SGCZ: variants seen among roughly 807,000 people sequenced by gnomAD.
The protein encoded by SGCZ is zeta-sarcoglycan.
Under a neutral mutation model 41.3 loss-of-function variants are expected in SGCZ, and 40 were observed. The observed-to-expected ratio is 0.97, with a 90% CI of 0.75 to 1.26. The LOEUF is 1.26. SGCZ is among the 50% of genes most tolerant of loss of function. The pLI is 0.00. For missense variants in SGCZ, 552 were observed against 369.8 expected, an observed-to-expected ratio of 1.49 and a Z score of -4.04; for synonymous variants, 206 against 137.5, an observed-to-expected ratio of 1.50 and a Z score of -3.49.
chr8:14,822,768 C>A (rs1183080585), intron 1 of SGCZ, among the ~76,000 whole-genome samples: 1 of 151,924 alleles, frequency 6.6e-6, no homozygotes, highest in Non-Finnish European at 1.5e-5. Flanking sequence ...AAAAAGATAT[C>A]CACATTAAGA....
At chr8:14,647,733 G>A (rs1807269601) in intron 1 of SGCZ, among the ~76,000 whole-genome samples, 1 of 151,974 alleles carries the variant, frequency 6.6e-6, no homozygotes, top group Non-Finnish European at 1.5e-5. Flanking sequence ...AAATATGTAT[G>A]TTAATATGTT....
chr8:14,264,770 G>A (rs1799815761), intron 3 of SGCZ, among the ~76,000 whole-genome samples: 1 of 152,122 alleles, frequency 6.6e-6, no homozygotes, highest in African/African-American at 2.4e-5. Context: ...GACCATCCTG[G>A]CTAACACGGT....
chr8:14,677,721 A>G (rs1312497898), intron 1 of SGCZ, among the ~76,000 whole-genome samples: 1 of 152,182 alleles, frequency 6.6e-6, no homozygotes, highest in Non-Finnish European at 1.5e-5. Flanking sequence ...CAGTGAGCCA[A>G]GATCGCACAA....
chr8:14,247,222 T>A (rs1318913744), intron 3 of SGCZ, among the ~76,000 whole-genome samples: 1 of 152,204 alleles, frequency 6.6e-6, no homozygotes, highest in Non-Finnish European at 1.5e-5. Context: ...TGGAGGCCAC[T>A]GCTAGGAATC....
chr8:14,911,301 C>T (rs916672950), intron 1 of SGCZ, among the ~76,000 whole-genome samples: 10 of 152,004 alleles, frequency 6.6e-5, no homozygotes, highest in Admixed American at 3.3e-4. Flanking sequence ...ACAAAATCAG[C>T]GGATTCTGAC....
intron 1 of SGCZ, among the ~76,000 whole-genome samples, chr8:14,983,134 C>A (rs980746820): frequency 6.6e-6 from 1 of 152,060 alleles, no homozygotes; most frequent in South Asian, 2.1e-4. Context: ...GTATTATGTA[C>A]CTGCTGGTGC....
chr8:14,715,126 G>A lies in SGCZ; in HGVS notation c.40-160200C>T, dbSNP rs576518604. ...ACACTTGTCTACGATGCATATTCAT[G>A]GAAATCTGGAAAATAAGTAGTTTGA... On this transcript the variant is annotated intron_variant, in intron 1 of 7. Transcript: ENST00000382080. 2.6e-5 allele frequency among the ~76,000 whole-genome samples: 4 copies of A among 152,186 alleles called. No homozygotes were observed. In the South Asian group the frequency reaches 8.3e-4, roughly 32 times the overall value.
At chr8:14,202,413 A>G (rs76801568) in intron 4 of SGCZ, among the ~76,000 whole-genome samples, 4,371 of 152,220 alleles carry the variant, frequency 0.029, 218 homozygotes, top group African/African-American at 0.1. Context: ...GGTGTAAGAC[A>G]CTAAGTTTGT....
At chr8:14,212,511 C>G (rs1232728848) in intron 4 of SGCZ, among the ~76,000 whole-genome samples, 1 of 142,028 alleles carries the variant, frequency 7.0e-6, no homozygotes, top group Non-Finnish European at 1.5e-5. Flanking sequence ...CTCAGAAAGC[C>G]AAAAAGTTGT....
At position 14,656,522 on chromosome 8, in the gene SGCZ, TTTTC is replaced by T. The variant is rs551123781; in HGVS notation, c.40-101600_40-101597del. Among the ~76,000 whole-genome samples, 302 of 150,302 alleles carry T rather than the reference TTTTC, an allele frequency of 2.0e-3. 2 individuals are homozygous for T. Among genetic ancestry groups the T allele is most frequent in the African/African-American group, 6.7e-3 (275 of 40,960 alleles). Reference sequence around the variant, plus strand: ...CCTCTCCTCTCCTTCCTTCCTTTTCTTTTCTTTCTTTTTTCTTTCTTTCCCTTTC... The same window carrying T: ...CCTCTCCTCTCCTTCCTTCCTTTTCTTTTCTTTTTTCTTTCTTTCCCTTTC... On this transcript the variant is annotated intron_variant, in intron 1 of 7. Coordinates refer to ENST00000382080, the MANE Select transcript of SGCZ (RefSeq NM_139167.4).
At chr8:14,983,235 G>T (rs1013822146) in intron 1 of SGCZ, among the ~76,000 whole-genome samples, 1 of 150,350 alleles carries the variant, frequency 6.7e-6, no homozygotes, top group African/African-American at 2.5e-5. Context: ...GCCCAGGCTG[G>T]AGTGCAGTGG....
chr8:14,452,051 C>G (rs765400407), intron 2 of SGCZ, among the ~76,000 whole-genome samples: 2 of 152,202 alleles, frequency 1.3e-5, no homozygotes, highest in Non-Finnish European at 2.9e-5. Context: ...CAGCTTTATT[C>G]ACATTTGCCA....
chr8:15,008,668 G>T (rs1408192932), intron 1 of SGCZ, among the ~76,000 whole-genome samples: 4 of 88,358 alleles, frequency 4.5e-5, no homozygotes, highest in African/African-American at 2.2e-4. Flanking sequence ...GAGATGGGAG[G>T]GGAGGAGATG....
At chr8:14,918,431 T>A (rs1184678978) in intron 1 of SGCZ, among the ~76,000 whole-genome samples, 2 of 152,160 alleles carry the variant, frequency 1.3e-5, no homozygotes. Flanking sequence ...TAAATAAAAT[T>A]TATCATTTCG....
At chr8:14,236,885 T>C (rs1276512731) in intron 4 of SGCZ, among the ~76,000 whole-genome samples, 1 of 151,748 alleles carries the variant, frequency 6.6e-6, no homozygotes, top group Non-Finnish European at 1.5e-5. Context: ...AATTAAAATA[T>C]TTATTTGCTA....
intron 1 of SGCZ, among the ~76,000 whole-genome samples, chr8:15,220,346 T>C (rs1019982049): frequency 7.9e-5 from 12 of 152,248 alleles, no homozygotes; most frequent in Middle Eastern, 3.4e-3. Flanking sequence ...AGAGACATAA[T>C]AGTAAGCATG....
intron 1 of SGCZ, among the ~76,000 whole-genome samples, chr8:15,085,713 T>C (rs190427608): frequency 6.6e-6 from 1 of 152,294 alleles, no homozygotes; most frequent in Non-Finnish European, 1.5e-5. Context: ...CCACCAACTT[T>C]GCTACTCTTT....
At chr8:14,636,264 A>G (rs1444481315) in intron 1 of SGCZ, among the ~76,000 whole-genome samples, 2 of 151,900 alleles carry the variant, frequency 1.3e-5, no homozygotes, top group Non-Finnish European at 2.9e-5. Context: ...CACAAAAGCA[A>G]TTAGGAGATG....
chr8:14,454,158 A>C (rs1800676414), intron 2 of SGCZ, among the ~76,000 whole-genome samples: 1 of 152,180 alleles, frequency 6.6e-6, no homozygotes, highest in Admixed American at 6.5e-5. Flanking sequence ...ATTCTGTGTC[A>C]GATAGTAAGA....
Sources: gnomAD v4.1 joint callset for allele counts (sites outside exome capture counted in the v4.1 genomes callset) on GRCh38, gnomAD v4.1.1 for gene constraint, MANE v1.5 for transcripts, NCBI Gene and HGNC (gene_info 2026-07-23, HGNC 2026-07-21) for gene names.